Variants in SIAH3 observed in about 807,000 individuals in gnomAD.
The protein encoded by SIAH3 is seven in absentia homolog 3.
Under a neutral mutation model 12.6 loss-of-function variants are expected in SIAH3, and 9 were observed. That is an observed-to-expected ratio of 0.72 (90% CI 0.43 to 1.25). The LOEUF is 1.25. SIAH3 is among the 50% of genes most tolerant of loss of function. The pLI, the probability that SIAH3 is intolerant of heterozygous loss-of-function variation, is 0.00. For synonymous variants in SIAH3, 154 were observed against 151.1 expected (o/e 1.02, Z -0.14); for missense variants, 390 against 365.4 (o/e 1.07, Z -0.55).
intron 1 of SIAH3, among the ~76,000 whole-genome samples, chr13:45,827,057 C>G (rs1443558692): frequency 2.6e-5 from 4 of 152,190 alleles, no homozygotes; most frequent in Non-Finnish European, 4.4e-5. Context: ...TTCATGTCAG[C>G]TAAGTGGCCA....
rs1446954370 is a variant in SIAH3, at chr13:45,783,351, G to A, written c.*32C>T. The A allele has an allele frequency of 2.5e-6, 4 of 1,581,078 alleles. No homozygotes were observed. Among genetic ancestry groups the A allele is most frequent in the African/African-American group, 1.3e-5 (1 of 74,350 alleles). On this transcript the variant is annotated 3_prime_UTR_variant, in exon 2 of 2. Transcript: ENST00000400405. ...GGAGGTCCCAGGCGTTTCCTAGGGAGGCTGTGTGGGGAGCATCCGTGGCTC... is the reference window on the plus strand; with the variant it reads ...GGAGGTCCCAGGCGTTTCCTAGGGAAGCTGTGTGGGGAGCATCCGTGGCTC...
chr13:45,841,374 T>G lies in SIAH3; in HGVS notation c.135+10121A>C, dbSNP rs542720313. Among the ~76,000 whole-genome samples, 4 of 152,310 alleles carry G rather than the reference T, an allele frequency of 2.6e-5. No homozygotes were observed. The East Asian group carries it at 7.7e-4, about 29-fold the overall frequency. On this transcript the variant is annotated intron_variant, in intron 1 of 1. Coordinates refer to ENST00000400405, the MANE Select transcript of SIAH3 (RefSeq NM_198849.3). The stretch of plus-strand genomic sequence containing the variant: ...ACCCTGCCCTCCCTCTCCAAGGGGC[T>G]GCAGTGGCCCATCTCTTCTGCAGAG...
At chr13:45,797,097 G>C (rs1950565414) in intron 1 of SIAH3, among the ~76,000 whole-genome samples, 1 of 151,096 alleles carries the variant, frequency 6.6e-6, no homozygotes, top group South Asian at 2.1e-4. Flanking sequence ...TGTCTGCTAA[G>C]ATAATTAGCC....
At chr13:45,833,445 G>A (rs569250956) in intron 1 of SIAH3, among the ~76,000 whole-genome samples, 6 of 151,942 alleles carry the variant, frequency 3.9e-5, no homozygotes, top group Non-Finnish European at 5.9e-5. Flanking sequence ...TCTACATGGC[G>A]CTCATAGCTT....
chr13:45,847,648 T>TGTGC lies in SIAH3; in HGVS notation c.135+3846_135+3847insGCAC, dbSNP rs764131044. On this transcript the variant is annotated intron_variant, in intron 1 of 1. Transcript: ENST00000400405. ...GTGTGTGTGTGTGTGTGTGTGTGTG[T>TGTGC]GCACGTGTGTGTTTCTGTTGCACCT... Among the ~76,000 whole-genome samples the TGTGC allele has an allele frequency of 3.3e-5, 5 of 150,514 alleles. No individual in the cohort carries two copies. In the East Asian group the frequency reaches 7.8e-4, roughly 24 times the overall value.
intron 1 of SIAH3, among the ~76,000 whole-genome samples, chr13:45,838,341 C>A (rs928653169): frequency 1.3e-5 from 2 of 152,170 alleles, no homozygotes; most frequent in Admixed American, 6.5e-5. Flanking sequence ...TGGAGAGCAG[C>A]GCGTTTCTGG....
chr13:45,786,156 A>C (rs1950527215), intron 1 of SIAH3, among the ~76,000 whole-genome samples: 1 of 152,150 alleles, frequency 6.6e-6, no homozygotes, highest in Non-Finnish European at 1.5e-5. Flanking sequence ...CAGGAAGCCC[A>C]GGGCCCACAC....
intron 1 of SIAH3, among the ~76,000 whole-genome samples, chr13:45,847,532 A>C (rs1428653359): frequency 6.6e-6 from 1 of 151,922 alleles, no homozygotes; most frequent in African/African-American, 2.4e-5. Context: ...GCATCAACAA[A>C]TGGTACTGAA....
rs1208219578 is a variant in SIAH3, at chr13:45,781,067, G to A, written c.*2316C>T. ...CATGCTTTGTCCTAAAGCTTTCTAG[G>A]AACAAAAATATAAGCTCCCATCTGG... On this transcript the variant is annotated 3_prime_UTR_variant, in exon 2 of 2. Coordinates refer to ENST00000400405, the MANE Select transcript of SIAH3 (RefSeq NM_198849.3). 2.0e-5 allele frequency: 3 copies of A among 152,542 alleles called. No homozygotes were observed. The highest frequency in any genetic ancestry group is 7.2e-5 in the African/African-American group (3 of 41,432). 9.4% of individuals were successfully genotyped at this position (152,542 alleles called of 1,614,324 possible).
intron 1 of SIAH3, among the ~76,000 whole-genome samples, chr13:45,847,581 A>G (rs1950764571): frequency 6.6e-6 from 1 of 151,614 alleles, no homozygotes; most frequent in Non-Finnish European, 1.5e-5. Context: ...CGGGCACTTA[A>G]AGCCACGATT....
At chr13:45,791,936 A>G (rs1412509040) in intron 1 of SIAH3, among the ~76,000 whole-genome samples, 1 of 152,138 alleles carries the variant, frequency 6.6e-6, no homozygotes, top group African/African-American at 2.4e-5. Flanking sequence ...TTTTCTGTTA[A>G]CAATCACCAG....
chr13:45,796,911 C>T (rs1950564722), intron 1 of SIAH3, among the ~76,000 whole-genome samples: 1 of 152,070 alleles, frequency 6.6e-6, no homozygotes, highest in Non-Finnish European at 1.5e-5. Context: ...TAGCTGGGTA[C>T]ATATTTAATA....
At chr13:45,785,910 T>TTATCCC (rs1232107484) in intron 1 of SIAH3, among the ~76,000 whole-genome samples, 6 of 152,350 alleles carry the variant, frequency 3.9e-5, no homozygotes, top group African/African-American at 1.4e-4. Flanking sequence ...TGAGTCTGAC[T>TTATCCC]TATCCCTCAG....
intron 1 of SIAH3, among the ~76,000 whole-genome samples, chr13:45,803,668 A>G (rs762765423): frequency 6.6e-6 from 1 of 152,216 alleles, no homozygotes; most frequent in Non-Finnish European, 1.5e-5. Context: ...CTGGAAGGTC[A>G]AGGTAGTTGA....
chr13:45,814,034 T>TGA (rs1200020659), intron 1 of SIAH3, among the ~76,000 whole-genome samples: 1 of 151,924 alleles, frequency 6.6e-6, no homozygotes, highest in African/African-American at 2.4e-5. Flanking sequence ...GCCAGGAGAT[T>TGA]GAGACCATCC....
chr13:45,806,652 T>C (rs1236389888), intron 1 of SIAH3, among the ~76,000 whole-genome samples: 2 of 152,192 alleles, frequency 1.3e-5, no homozygotes, highest in East Asian at 1.9e-4. Context: ...ATTATTCATA[T>C]ACCAAGCCTT....
Position 45,783,883 on chromosome 13 carries a change from G to T in SIAH3, c.310C>A (p.Pro104Thr), listed in dbSNP as rs1293976601. Residue 104 changes from proline (P) to threonine (T), a missense_variant, in exon 2 of 2, where the codon CCC becomes ACC. Transcript: ENST00000400405. Reference protein sequence around the residue: ...EAGLHANPVTPCLCMCPLFSC... With the variant: ...EAGLHANPVTTCLCMCPLFSC... Reference sequence around the variant, plus strand: ...AACAAGGGACACATGCACAGGCAGGGCGTCACCGGGTTGGCGTGCAGCCCC... The same window carrying T: ...AACAAGGGACACATGCACAGGCAGGTCGTCACCGGGTTGGCGTGCAGCCCC... 2 of 1,613,016 alleles carry T rather than the reference G, an allele frequency of 1.2e-6. No individual in the cohort carries two copies. The highest frequency in any genetic ancestry group is 1.7e-6 in the Non-Finnish European group (2 of 1,179,340).
intron 1 of SIAH3, among the ~76,000 whole-genome samples, chr13:45,789,491 C>T (rs1477858412): frequency 6.6e-6 from 1 of 152,142 alleles, no homozygotes; most frequent in African/African-American, 2.4e-5. Flanking sequence ...ACTGCAACCT[C>T]CACCTCCTAG....
At position 45,783,270 on chromosome 13, in the gene SIAH3, TA is replaced by T. The variant is rs202034815; in HGVS notation, c.*112del. 0.055 allele frequency: 30,040 copies of T among 550,510 alleles called. 1 individual carries two copies. The highest frequency in any genetic ancestry group is 0.13 in the East Asian group (3,136 of 23,648). 34.1% of individuals were successfully genotyped at this position (550,510 alleles called of 1,614,324 possible). ...CAAAAAAATAATAATAATTAAAAAT[TA>T]AAAAAAAAAAAAAGAAAGGAGAAGA... is the stretch of plus-strand genomic sequence containing the variant. On this transcript the variant is annotated 3_prime_UTR_variant, in exon 2 of 2. Transcript: ENST00000400405.
Sources: gnomAD v4.1 joint callset for allele counts (sites outside exome capture counted in the v4.1 genomes callset) on GRCh38, gnomAD v4.1.1 for gene constraint, MANE v1.5 for transcripts, NCBI Gene and HGNC (gene_info 2026-07-23, HGNC 2026-07-21) for gene names.